Variants in TBCD observed in about 807,000 individuals in gnomAD.
The protein encoded by TBCD is tubulin-specific chaperone D.
Under a neutral mutation model 169.3 loss-of-function variants are expected in TBCD, and 105 were observed. The ratio of observed to expected loss-of-function variants is 0.62; its 90% CI spans 0.53 to 0.73. The LOEUF is 0.73. TBCD is among the 30% of genes least tolerant of loss of function. The pLI is 0.00. For missense variants in TBCD, 1,444 were observed against 1,600.1 expected, an observed-to-expected ratio of 0.90 and a Z score of 1.66; for synonymous variants, 700 against 643.9, an observed-to-expected ratio of 1.09 and a Z score of -1.32.
In TBCD at chr17:82,920,258, C is replaced by T. The variant is rs1324695808; in HGVS notation, c.2039-298C>T. 6.6e-6 allele frequency among the ~76,000 whole-genome samples: 1 copy of T among 152,226 alleles called. No homozygotes were observed. The highest frequency in any genetic ancestry group is 1.5e-5 in the Non-Finnish European group (1 of 68,040). Reference sequence around the variant, plus strand: ...GCCTGTCACAGGGACGTCTGCAGCTCCCTGACAGGCCGGCCCGGCTTCTCT... The same window carrying T: ...GCCTGTCACAGGGACGTCTGCAGCTTCCTGACAGGCCGGCCCGGCTTCTCT... On this transcript the variant is annotated intron_variant, in intron 23 of 38. Transcript: ENST00000355528. The surrounding 1 kb of genome is among the most constrained non-coding windows in gnomAD (Gnocchi z 4.1).
At chr17:82,850,131 T>TTGGCTGTGCTGC (rs2055602528) in intron 13 of TBCD, among the ~76,000 whole-genome samples, 7 of 19,928 alleles carry the variant, frequency 3.5e-4, no homozygotes, top group African/African-American at 8.1e-4. Context: ...GGCTGTGTTG[T>TTGGCTGTGCTGC]TGTTGGCTGT....
rs752306725 is a variant in TBCD at position 82,941,401 on chromosome 17, A to G, written c.3482A>G (p.Asp1161Gly). The G allele has an allele frequency of 3.1e-6, 5 of 1,590,720 alleles. No homozygotes were observed. In the African/African-American group the frequency reaches 4.0e-5, roughly 13 times the overall value. The change falls in exon 38 of 39, where the codon GAC becomes GGC. Residue 1161 changes from aspartate to glycine, a missense_variant and splice_region_variant. By Grantham distance (94) the Asp-to-Gly change is moderately conservative (BLOSUM62 -1). Transcript: ENST00000355528. ...CACGGCTCTCCCTCTCCTCACAGGG[A>G]CGCGGAGCTTGCAGTGGTGAGAGAG... ...VVTVLSDTAW[D>G]AELAVVREQR...
chr17:82,786,600 C>T (rs557479809), intron 7 of TBCD, among the ~76,000 whole-genome samples: 2 of 152,300 alleles, frequency 1.3e-5, no homozygotes, highest in Non-Finnish European at 2.9e-5. Flanking sequence ...TGTGGCTGCC[C>T]AGGGACTTGC....
At position 82,756,768 on chromosome 17, in the gene TBCD, G is replaced by A. The variant is rs151268856; in HGVS notation, c.235+553G>A. On this transcript the variant is annotated intron_variant, in intron 2 of 38. Transcript: ENST00000355528. Reference sequence around the variant, plus strand: ...GCTGGGATTACAGGCGTGAGCCACCGCGCCTGGCCTCCTCAAGTGTTTTTA... The same window carrying A: ...GCTGGGATTACAGGCGTGAGCCACCACGCCTGGCCTCCTCAAGTGTTTTTA... Among the ~76,000 whole-genome samples the A allele has an allele frequency of 4.0e-3, 607 of 152,266 alleles. 2 individuals carry two copies. Among genetic ancestry groups the A allele is most frequent in the Middle Eastern group, 6.8e-3 (2 of 294 alleles).
intron 13 of TBCD, among the ~76,000 whole-genome samples, chr17:82,828,818 C>T (rs555771354): frequency 4.2e-4 from 63 of 149,154 alleles, no homozygotes; most frequent in Non-Finnish European, 7.9e-4. Context: ...CCCACAGGAT[C>T]GAATGTGCAC....
chr17:82,759,133 G>T (rs1394783560), intron 2 of TBCD, among the ~76,000 whole-genome samples: 1 of 152,100 alleles, frequency 6.6e-6, no homozygotes, highest in Non-Finnish European at 1.5e-5. Flanking sequence ...TCTCACTTCA[G>T]CCTCCTGCAG....
intron 13 of TBCD, among the ~76,000 whole-genome samples, chr17:82,819,727 G>T (rs1407385561): frequency 6.6e-6 from 1 of 152,146 alleles, no homozygotes; most frequent in Non-Finnish European, 1.5e-5. Context: ...TCTGTTTGAG[G>T]ACTACTGTTA....
intron 14 of TBCD, among the ~76,000 whole-genome samples, chr17:82,872,849 G>A (rs891233198): frequency 2.0e-5 from 3 of 151,650 alleles, no homozygotes; most frequent in African/African-American, 7.3e-5. Flanking sequence ...CCCATCACCT[G>A]GTGGCCGAAG....
intron 7 of TBCD, among the ~76,000 whole-genome samples, chr17:82,786,801 G>A (rs866297388): frequency 6.8e-4 from 100 of 147,374 alleles, no homozygotes; most frequent in South Asian, 1.3e-3. Flanking sequence ...CAGTTTCTTT[G>A]TTGTGGGTTC....
At chr17:82,846,926 C>CT in intron 13 of TBCD, among the ~76,000 whole-genome samples, 2 of 152,238 alleles carry the variant, frequency 1.3e-5, no homozygotes, top group Non-Finnish European at 2.9e-5. Context: ...CCAAGCCCAG[C>CT]TGCACCCCCG....
chr17:82,940,162 C>G (rs984150181), intron 37 of TBCD, among the ~76,000 whole-genome samples: 2 of 152,016 alleles, frequency 1.3e-5, no homozygotes, highest in Non-Finnish European at 2.9e-5. Flanking sequence ...GTGATGGTGT[C>G]TTACACATAT....
intron 21 of TBCD, 103 bp downstream of exon 21, chr17:82,907,924 C>A: frequency 7.9e-7 from 1 of 1,273,208 alleles, no homozygotes; most frequent in Non-Finnish European, 1.1e-6. Flanking sequence ...CTGGTGGCCA[C>A]TGTGCTCCAT....
intron 1 of TBCD, among the ~76,000 whole-genome samples, chr17:82,753,462 T>A (rs1000812280): frequency 8.2e-5 from 12 of 146,906 alleles, no homozygotes; most frequent in African/African-American, 3.0e-4. Context: ...TTTTTTTTTT[T>A]TTTTTTTGAT....
intron 9 of TBCD, among the ~76,000 whole-genome samples, chr17:82,802,017 G>A (rs115940971): frequency 6.6e-6 from 1 of 151,668 alleles, no homozygotes; most frequent in Non-Finnish European, 1.5e-5. Context: ...GCGTGTGTGC[G>A]TCGTGTTGCT....
At chr17:82,794,743 T>G (rs2144570272) in intron 7 of TBCD, among the ~76,000 whole-genome samples, 1 of 152,370 alleles carries the variant, frequency 6.6e-6, no homozygotes, top group South Asian at 2.1e-4. Flanking sequence ...ATTGACTCGT[T>G]CCTTCCCTGT....
rs143784778 is a variant in TBCD, at chr17:82,937,355, C to T, written c.3276C>T (p.Ile1092=). The T allele has an allele frequency of 1.4e-4, 219 of 1,613,926 alleles. 2 individuals carry two copies. The South Asian group carries it at 2.2e-3, about 16-fold the overall frequency. Residue 1092 remains isoleucine (I), a synonymous_variant, in exon 35 of 39, where the codon ATC becomes ATT. Coordinates refer to ENST00000355528, the MANE Select transcript of TBCD (RefSeq NM_005993.5). The part of the protein sequence containing the change: ...SKDIQKLLSG[I]AVFCEMVQFP... ...ATATCCAGAAGCTCCTGTCAGGCAT[C>T]GCAGTGTGAGTTTCAAGTGCTGCTG...
chr17:82,886,662 TCCCCTCCCCTCCCCTCCC>T (rs2058729486), intron 15 of TBCD, among the ~76,000 whole-genome samples: 3 of 2,920 alleles, frequency 1.0e-3, no homozygotes, highest in Non-Finnish European at 3.1e-3. Context: ...TCCCCTCCCC[TCCCCTCCCCTCCCCTCCC>T]CTCCCCTCCC....
intron 13 of TBCD, among the ~76,000 whole-genome samples, chr17:82,825,610 G>C (rs2052773277): frequency 6.6e-6 from 1 of 152,108 alleles, no homozygotes; most frequent in South Asian, 2.1e-4. Flanking sequence ...TTTAGGGACA[G>C]CTTGAAGCAG....
At chr17:82,916,847 T>C (rs575557824) in intron 23 of TBCD, among the ~76,000 whole-genome samples, 1 of 152,128 alleles carries the variant, frequency 6.6e-6, no homozygotes, top group Non-Finnish European at 1.5e-5. Flanking sequence ...TTGTTCACTT[T>C]AGAAAAATTC....
Sources: allele counts gnomAD v4.1 joint callset (sites outside exome capture counted in the v4.1 genomes callset), GRCh38; gene constraint gnomAD v4.1.1; non-coding constraint Gnocchi (gnomAD v3.1); transcripts MANE v1.5; gene names NCBI Gene and HGNC (gene_info 2026-07-23, HGNC 2026-07-21).